Variants in FHIT observed in about 807,000 individuals in gnomAD.
The protein encoded by FHIT is bis(5'-adenosyl)-triphosphatase.
A neutral mutation model predicts 17.9 loss-of-function variants in FHIT; 19 were observed. The ratio of observed to expected loss-of-function variants is 1.06; its 90% confidence interval spans 0.74 to 1.56. The LOEUF is 1.56. Ranked by LOEUF, FHIT falls within the 40% of genes most tolerant of loss-of-function variation. The probability of loss-of-function intolerance (pLI) is 0.00; values close to 1 mark genes in which losing one functional copy is unlikely to be tolerated. For missense variants in FHIT, 248 were observed against 189.2 expected (o/e 1.31, Z -1.82); for synonymous variants, 81 against 69.7 (o/e 1.16, Z -0.81).
chr3:61,182,008 G>C (rs28584187), intron 2 of FHIT, among the ~76,000 whole-genome samples: 14,698 of 152,192 alleles, frequency 0.097, 753 homozygotes, highest in Non-Finnish European at 0.11. Context: ...CATTTAATGA[G>C]AAAGGATCCT....
chr3:59,964,087 TAAAAC>T (rs1707812619), intron 7 of FHIT, among the ~76,000 whole-genome samples: 1 of 152,186 alleles, frequency 6.6e-6, no homozygotes, highest in Non-Finnish European at 1.5e-5. Flanking sequence ...ACGTTTTAAA[TAAAAC>T]AACCTGAAAG....
chr3:61,199,628 GA>G (rs1449884802), intron 2 of FHIT, among the ~76,000 whole-genome samples: 1 of 152,024 alleles, frequency 6.6e-6, no homozygotes, highest in Admixed American at 6.5e-5. Context: ...AAATAAACAT[GA>G]AAAATTCAGC....
chr3:61,222,980 T>A (rs1451676406), intron 1 of FHIT, among the ~76,000 whole-genome samples: 1 of 152,176 alleles, frequency 6.6e-6, no homozygotes, highest in Admixed American at 6.5e-5. Context: ...AATTTGCTAT[T>A]TTTCTAAGAG....
At chr3:60,702,779 G>T (rs1342383174) in intron 4 of FHIT, among the ~76,000 whole-genome samples, 1 of 152,084 alleles carries the variant, frequency 6.6e-6, no homozygotes, top group African/African-American at 2.4e-5. Context: ...AAATATTCCT[G>T]TGTATTCTTC....
intron 3 of FHIT, among the ~76,000 whole-genome samples, chr3:60,830,524 G>C (rs141174562): frequency 6.6e-6 from 1 of 152,222 alleles, no homozygotes; most frequent in Non-Finnish European, 1.5e-5. Flanking sequence ...GTAAAAATAA[G>C]AGAAATGTCA....
Position 60,377,551 on chromosome 3 carries a change from G to C in FHIT, c.103+159309C>G, listed in dbSNP as rs866369905. 7.6e-5 allele frequency among the ~76,000 whole-genome samples: 10 copies of C among 131,094 alleles called. No homozygotes were observed. The East Asian group carries it at 2.4e-3, about 31-fold the overall frequency. The allele number at this position is 131,094 out of a possible 152,430, so 86.0% of individuals were successfully genotyped here. On this transcript the variant is annotated intron_variant, in intron 5 of 9. Transcript: ENST00000492590. ...CTGCGGACTGCAGTGGCGCAATCTC[G>C]GCTCACTGCAAGCTCCGCTTCCCGG...
intron 5 of FHIT, among the ~76,000 whole-genome samples, chr3:60,313,682 T>C (rs992603713): frequency 6.6e-6 from 1 of 152,100 alleles, no homozygotes; most frequent in African/African-American, 2.4e-5. Flanking sequence ...TGATATGAAA[T>C]GACTGCATAA....
chr3:59,979,632 G>A (rs1337723763), intron 7 of FHIT, among the ~76,000 whole-genome samples: 3 of 152,006 alleles, frequency 2.0e-5, no homozygotes, highest in East Asian at 1.9e-4. Flanking sequence ...GAACGTGTAC[G>A]CTGTCATGGA....
At chr3:60,820,719 G>A (rs145230284) in intron 4 of FHIT, among the ~76,000 whole-genome samples, 74 of 152,280 alleles carry the variant, frequency 4.9e-4, no homozygotes, top group African/African-American at 1.7e-3. Context: ...GGACTTAACC[G>A]GAAGCAGGAA....
intron 4 of FHIT, among the ~76,000 whole-genome samples, chr3:60,756,397 C>T (rs143637608): frequency 6.6e-6 from 1 of 152,238 alleles, no homozygotes; most frequent in Non-Finnish European, 1.5e-5. Flanking sequence ...ATTTGTCTGG[C>T]AAATACGATG....
chr3:60,771,937 G>A (rs1553723155), intron 4 of FHIT, among the ~76,000 whole-genome samples: 1 of 152,068 alleles, frequency 6.6e-6, no homozygotes, highest in Admixed American at 6.6e-5. Context: ...ACACAATTTT[G>A]GCTCTCTTCT....
At chr3:60,062,256 A>G (rs1486194751) in intron 5 of FHIT, among the ~76,000 whole-genome samples, 2 of 152,040 alleles carry the variant, frequency 1.3e-5, no homozygotes, top group Non-Finnish European at 2.9e-5. Context: ...TGGAGTTGAG[A>G]TGAGGAGATG....
At chr3:61,175,547 A>G (rs1210889292) in intron 2 of FHIT, among the ~76,000 whole-genome samples, 1 of 152,148 alleles carries the variant, frequency 6.6e-6, no homozygotes, top group Non-Finnish European at 1.5e-5. Flanking sequence ...ATAATTAATT[A>G]AATTGTTGAA....
At chr3:61,100,665 A>G (rs964673737) in intron 2 of FHIT, among the ~76,000 whole-genome samples, 12 of 152,212 alleles carry the variant, frequency 7.9e-5, no homozygotes, top group African/African-American at 2.7e-4. Flanking sequence ...GAACTAATTT[A>G]CACTCCCACC....
In FHIT at chr3:60,020,385, C is replaced by T. The variant is rs538761585; in HGVS notation, c.104-6233G>A. 1.2e-4 allele frequency among the ~76,000 whole-genome samples: 18 copies of T among 152,234 alleles called. No homozygotes were observed. The South Asian group carries it at 1.2e-3, about 11-fold the overall frequency. Reference sequence around the variant, plus strand: ...TATTATGATCGGAGTTGCTCAGACTCGCCCCCATTTAGTTTTCTATATCTG... The same window carrying T: ...TATTATGATCGGAGTTGCTCAGACTTGCCCCCATTTAGTTTTCTATATCTG... On this transcript the variant is annotated intron_variant, in intron 5 of 9. Transcript: ENST00000492590.
intron 3 of FHIT, among the ~76,000 whole-genome samples, chr3:60,965,939 T>C (rs1259446496): frequency 3.3e-5 from 5 of 152,220 alleles, no homozygotes; most frequent in African/African-American, 1.2e-4. Context: ...AACTCCGTGC[T>C]GGGAGAACCA....
intron 4 of FHIT, among the ~76,000 whole-genome samples, chr3:60,754,160 T>C (rs2108038214): frequency 6.6e-6 from 1 of 152,330 alleles, no homozygotes; most frequent in African/African-American, 2.4e-5. Flanking sequence ...TCATTTGATA[T>C]TCTCCAATAA....
At chr3:61,044,651 G>A (rs1173430972) in intron 2 of FHIT, among the ~76,000 whole-genome samples, 3 of 152,104 alleles carry the variant, frequency 2.0e-5, no homozygotes, top group South Asian at 2.1e-4. Flanking sequence ...GATACTCCTC[G>A]AGAAGAGCAA....
intron 3 of FHIT, among the ~76,000 whole-genome samples, chr3:61,020,771 G>A (rs149279039): frequency 4.9e-4 from 75 of 152,182 alleles, no homozygotes; most frequent in African/African-American, 1.6e-3. Flanking sequence ...GTATCGGTGC[G>A]CTATATTCAG....
Sources: gnomAD v4.1 joint callset for allele counts (sites outside exome capture counted in the v4.1 genomes callset) on GRCh38, gnomAD v4.1.1 for gene constraint, MANE v1.5 for transcripts, NCBI Gene and HGNC (gene_info 2026-07-23, HGNC 2026-07-21) for gene names.